Variants in ENTREP2 observed in about 807,000 individuals in gnomAD.
ENTREP2 encodes endosomal transmembrane epsin interactor 2.
the ENTREP2 span, among the ~76,000 whole-genome samples, chr15:29,343,095 A>G: frequency 6.6e-6 from 1 of 151,902 alleles, no homozygotes; most frequent in Admixed American, 6.6e-5. Flanking sequence ...GAAAAAGCGA[A>G]GGTACATATT....
chr15:29,269,035 G>A, the ENTREP2 span: 6 of 1,614,050 alleles, frequency 3.7e-6, no homozygotes, highest in South Asian at 6.6e-5. Context: ...AAAGTCCTCA[G>A]TAATGAGTTT....
At chr15:29,612,202 A>C in the ENTREP2 span, among the ~76,000 whole-genome samples, 1 of 152,162 alleles carries the variant, frequency 6.6e-6, no homozygotes, top group African/African-American at 2.4e-5. Context: ...CACAGTCAGA[A>C]TACTGGGCTT....
chr15:29,364,920 C>A, the ENTREP2 span, among the ~76,000 whole-genome samples: 1 of 152,134 alleles, frequency 6.6e-6, no homozygotes, highest in African/African-American at 2.4e-5. Context: ...CATTGCCACA[C>A]CATTATCACT....
chr15:29,306,266 T>G, the ENTREP2 span, among the ~76,000 whole-genome samples: 1 of 151,866 alleles, frequency 6.6e-6, no homozygotes, highest in Admixed American at 6.6e-5. Context: ...ACAAGGAAAA[T>G]CTCCTGAATT....
At chr15:29,344,971 C>CAT in the ENTREP2 span, among the ~76,000 whole-genome samples, 2 of 148,396 alleles carry the variant, frequency 1.3e-5, no homozygotes, top group African/African-American at 5.1e-5. Flanking sequence ...CACACACACA[C>CAT]GTCTGTGTTT....
At chr15:29,121,821 G>A in the ENTREP2 span, 3 of 152,332 alleles carry the variant, frequency 2.0e-5, no homozygotes, top group African/African-American at 7.2e-5. Context: ...CCCCAGGGCA[G>A]GGATAAAGGA....
chr15:29,252,952 T>C, the ENTREP2 span, among the ~76,000 whole-genome samples: 29 of 152,210 alleles, frequency 1.9e-4, no homozygotes, highest in Non-Finnish European at 3.7e-4. Context: ...ATTAATCCAC[T>C]TACGGCCAAC....
the ENTREP2 span, among the ~76,000 whole-genome samples, chr15:29,301,478 G>C: frequency 6.6e-6 from 1 of 151,870 alleles, no homozygotes; most frequent in Non-Finnish European, 1.5e-5. Flanking sequence ...TACGGTAATA[G>C]GCAGTATAAC....
chr15:29,371,911 AATAGATAGATAG>A, the ENTREP2 span, among the ~76,000 whole-genome samples: 972 of 149,614 alleles, frequency 6.5e-3, 32 homozygotes, highest in Admixed American at 0.048. Flanking sequence ...AAAATAAATA[AATAGATAGATAG>A]ATAGATAGAT....
chr15:29,563,315 A>G, the ENTREP2 span, among the ~76,000 whole-genome samples: 2 of 152,148 alleles, frequency 1.3e-5, no homozygotes, highest in African/African-American at 4.8e-5. Flanking sequence ...CCTGTGTCCT[A>G]CATTCCTTTA....
chr15:29,542,626 C>A, the ENTREP2 span, among the ~76,000 whole-genome samples: 1 of 152,164 alleles, frequency 6.6e-6, no homozygotes, highest in Admixed American at 6.5e-5. Context: ...TTTTAAGTTA[C>A]GGTTCTACGG....
the ENTREP2 span, among the ~76,000 whole-genome samples, chr15:29,353,151 T>C: frequency 1.1e-4 from 17 of 152,166 alleles, no homozygotes; most frequent in Non-Finnish European, 2.2e-4. Context: ...TTTTTTTTAA[T>C]GTTTAAAAAT....
the ENTREP2 span, among the ~76,000 whole-genome samples, chr15:29,464,608 A>C: frequency 6.6e-6 from 1 of 152,154 alleles, no homozygotes; most frequent in Non-Finnish European, 1.5e-5. Flanking sequence ...CTCTTTTAAT[A>C]AGGTTATGAG....
chr15:29,357,278 A>G, the ENTREP2 span, among the ~76,000 whole-genome samples: 42 of 152,308 alleles, frequency 2.8e-4, no homozygotes, highest in African/African-American at 9.6e-4. Flanking sequence ...CGAGGTAGGG[A>G]AGGATTTCTT....
the ENTREP2 span, among the ~76,000 whole-genome samples, chr15:29,136,819 G>A: frequency 7.2e-5 from 11 of 152,302 alleles, no homozygotes; most frequent in East Asian, 2.1e-3. Flanking sequence ...TGCACGTCAT[G>A]AGAACTTAAG....
the ENTREP2 span, among the ~76,000 whole-genome samples, chr15:29,198,424 A>G: frequency 1.3e-5 from 2 of 152,190 alleles, no homozygotes; most frequent in Non-Finnish European, 2.9e-5. Flanking sequence ...AACAAATTAT[A>G]CTCCCACCAA....
At chr15:29,259,914 G>A in the ENTREP2 span, among the ~76,000 whole-genome samples, 4 of 151,992 alleles carry the variant, frequency 2.6e-5, no homozygotes, top group Admixed American at 6.6e-5. Context: ...AGTTAACACC[G>A]GGCTCTTTTC....
At chr15:29,289,108 G>C in the ENTREP2 span, among the ~76,000 whole-genome samples, 5 of 151,798 alleles carry the variant, frequency 3.3e-5, no homozygotes, top group African/African-American at 1.2e-4. Context: ...TCTGAAGGCT[G>C]AGGTGGGAGG....
At chr15:29,671,302 T>C in the ENTREP2 span, among the ~76,000 whole-genome samples, 1 of 152,220 alleles carries the variant, frequency 6.6e-6, no homozygotes, top group Non-Finnish European at 1.5e-5. Context: ...AGTGTTTTCT[T>C]GGTTTCTATG....
Sources: allele counts gnomAD v4.1 joint callset (sites outside exome capture counted in the v4.1 genomes callset), GRCh38; gene constraint gnomAD v4.1.1; transcripts MANE v1.5; gene names NCBI Gene and HGNC (gene_info 2026-07-23, HGNC 2026-07-21).